CROT: variants seen among roughly 807,000 people sequenced by gnomAD.
The protein encoded by CROT is carnitine O-octanoyltransferase, also known as peroxisomal carnitine O-octanoyltransferase.
In CROT, 84 loss-of-function variants were observed where a neutral mutation model predicts 89.2. The ratio of observed to expected loss-of-function variants is 0.94; its 90% CI spans 0.79 to 1.13. The LOEUF (loss-of-function observed/expected upper bound fraction) is 1.13. CROT is among the 50% of genes most tolerant of loss of function. CROT has a pLI of 0.00. For missense variants in CROT, 711 were observed against 727.8 expected, an observed-to-expected ratio of 0.98 and a Z score of 0.27; for synonymous variants, 212 against 239.5, an observed-to-expected ratio of 0.89 and a Z score of 1.06.
At chr7:87,358,216 G>A (rs372750801) in intron 3 of CROT, among the ~76,000 whole-genome samples, 3 of 151,962 alleles carry the variant, frequency 2.0e-5, no homozygotes, top group Non-Finnish European at 2.9e-5. Flanking sequence ...AGTGCCTCAC[G>A]CCTGTAATCC....
intron 3 of CROT, among the ~76,000 whole-genome samples, chr7:87,355,349 C>T (rs10236924): frequency 0.58 from 87,583 of 151,914 alleles, 25,724 homozygotes; most frequent in East Asian, 0.67. Context: ...ATCCACCTGC[C>T]TTGGCCTCCC....
chr7:87,350,382 C>G (rs1442905618), intron 3 of CROT, among the ~76,000 whole-genome samples: 1 of 152,102 alleles, frequency 6.6e-6, no homozygotes, highest in African/African-American at 2.4e-5. Flanking sequence ...AGTGTGATAG[C>G]CTGATGAGTG....
intron 14 of CROT, 33 bp from the exon 15 acceptor site, chr7:87,392,533 T>A (rs372833682): frequency 6.4e-7 from 1 of 1,561,730 alleles, no homozygotes; most frequent in Non-Finnish European, 8.8e-7. Context: ...TTGCACAGTG[T>A]GTTATTGAAG....
intron 17 of CROT, among the ~76,000 whole-genome samples, chr7:87,393,590 G>A (rs908693608): frequency 6.6e-6 from 1 of 152,098 alleles, no homozygotes; most frequent in Non-Finnish European, 1.5e-5. Context: ...GAGTAGTGGA[G>A]AACAAGATAA....
chr7:87,373,331 T>C (rs1806700337), intron 7 of CROT, among the ~76,000 whole-genome samples: 1 of 152,120 alleles, frequency 6.6e-6, no homozygotes, highest in Admixed American at 6.5e-5. Flanking sequence ...ATATAAGTCT[T>C]TTTACAGATA....
chr7:87,383,811 C>G (rs1807102622), intron 13 of CROT, among the ~76,000 whole-genome samples: 1 of 151,952 alleles, frequency 6.6e-6, no homozygotes, highest in African/African-American at 2.4e-5. Context: ...TTTTCTTTAT[C>G]CATACATCTG....
intron 14 of CROT, among the ~76,000 whole-genome samples, chr7:87,392,089 G>C (rs1256504729): frequency 6.6e-6 from 1 of 152,168 alleles, no homozygotes; most frequent in Non-Finnish European, 1.5e-5. Context: ...TTCATATAGT[G>C]GAACCAGGAC....
chr7:87,370,490 C>T (rs1458659213), intron 7 of CROT, among the ~76,000 whole-genome samples: 2 of 152,124 alleles, frequency 1.3e-5, no homozygotes, highest in African/African-American at 2.4e-5. Context: ...GCCAAATAAA[C>T]AGTGTTTTAA....
rs908472690 is a variant in CROT, at chr7:87,359,811, C to T, written c.240+481C>T. 5.1e-6 allele frequency: 5 copies of T among 982,630 alleles called. No individual in the cohort carries two copies. In the African/African-American group the frequency reaches 7.0e-5, roughly 14 times the overall value. 60.9% of individuals were successfully genotyped at this position (982,630 alleles called of 1,614,324 possible). ...ATTTCAGTTAGATAAATTGAGGAAG[C>T]TAGTATAATAATTATTGAAGGTCTC... On this transcript the variant is annotated intron_variant, in intron 4 of 17. Coordinates refer to ENST00000331536, the MANE Select transcript of CROT (RefSeq NM_021151.4).
chr7:87,377,230 AT>A (rs1201513717), intron 9 of CROT, 118 bp from the exon 10 acceptor site: 2 of 589,380 alleles, frequency 3.4e-6, no homozygotes, highest in African/African-American at 3.8e-5. Flanking sequence ...CTATATTATG[AT>A]TTTATTAAAT....
intron 2 of CROT, 85 bp from the exon 3 acceptor site, chr7:87,348,963 G>A (rs1343134490): frequency 1.1e-5 from 6 of 551,370 alleles, no homozygotes; most frequent in Non-Finnish European, 1.3e-5. Context: ...CCTAAATACT[G>A]GTTTAGTGAA....
rs1807417901 is a variant in CROT, at chr7:87,392,971, T to C, written c.1622T>C (p.Leu541Pro). The C allele has an allele frequency of 6.2e-7, 1 of 1,613,628 alleles. No homozygotes were observed. The highest frequency in any genetic ancestry group is 1.3e-5 in the African/African-American group (1 of 74,906). Residue 541 changes from leucine to proline, a missense_variant, in exon 17 of 18, where the codon CTC becomes CCC. Coordinates refer to ENST00000331536, the MANE Select transcript of CROT (RefSeq NM_021151.4). Reference protein sequence around the residue: ...SKSGGGGNFVLSTSLVGYLRV... With the variant: ...SKSGGGGNFVPSTSLVGYLRV... Reference sequence around the variant, plus strand: ...AGCGGAGGAGGTGGAAATTTTGTTCTCTCAACAAGTCTGGTTGGCTATTTA... The same window carrying C: ...AGCGGAGGAGGTGGAAATTTTGTTCCCTCAACAAGTCTGGTTGGCTATTTA...
chr7:87,384,429 G>T (rs1411400954), intron 13 of CROT, among the ~76,000 whole-genome samples: 2 of 152,166 alleles, frequency 1.3e-5, no homozygotes, highest in Non-Finnish European at 2.9e-5. Context: ...CTACTCAGGA[G>T]GCTGAGGCAC....
At chr7:87,392,505 T>C (rs1357220363) in intron 14 of CROT, 61 bp from the exon 15 acceptor site, 17 of 1,343,344 alleles carry the variant, frequency 1.3e-5, no homozygotes, top group Admixed American at 1.9e-5. Context: ...GAGCTTAGGA[T>C]TTTTTTCTAG....
chr7:87,394,320 C>T (rs745438150), intron 17 of CROT, among the ~76,000 whole-genome samples: 4 of 152,192 alleles, frequency 2.6e-5, no homozygotes, highest in East Asian at 1.9e-4. Flanking sequence ...AGTGATCTTT[C>T]GTGGTTTATT....
chr7:87,386,448 A>G (rs1174072533), intron 13 of CROT, among the ~76,000 whole-genome samples: 1 of 152,162 alleles, frequency 6.6e-6, no homozygotes, highest in Non-Finnish European at 1.5e-5. Flanking sequence ...TTGTTGGCAT[A>G]TAGTTACTCA....
At chr7:87,397,511 A>T (rs31650) in intron 17 of CROT, among the ~76,000 whole-genome samples, 23 of 152,154 alleles carry the variant, frequency 1.5e-4, no homozygotes, top group African/African-American at 5.6e-4. Context: ...GATAACTGAA[A>T]TTTTTTTAAA....
intron 14 of CROT, among the ~76,000 whole-genome samples, chr7:87,391,990 A>C (rs1003073345): frequency 3.9e-5 from 6 of 152,186 alleles, no homozygotes; most frequent in Non-Finnish European, 5.9e-5. Context: ...CTTTAGAACA[A>C]CACCAACAAA....
At chr7:87,386,917 A>G (rs938993041) in intron 13 of CROT, among the ~76,000 whole-genome samples, 1 of 152,094 alleles carries the variant, frequency 6.6e-6, no homozygotes, top group African/African-American at 2.4e-5. Flanking sequence ...TTGAAGCAGG[A>G]ATGATTTTTC....
Sources: allele counts gnomAD v4.1 joint callset (sites outside exome capture counted in the v4.1 genomes callset), GRCh38; gene constraint gnomAD v4.1.1; transcripts MANE v1.5; gene names NCBI Gene and HGNC (gene_info 2026-07-23, HGNC 2026-07-21).